SLC28A1: variants seen among roughly 807,000 people sequenced by gnomAD.
SLC28A1 encodes the protein sodium/nucleoside cotransporter 1.
In SLC28A1, 64 loss-of-function variants were observed where a neutral mutation model predicts 74.8. The ratio of observed to expected loss-of-function variants is 0.86; its 90% CI spans 0.70 to 1.05. SLC28A1 has a LOEUF of 1.05. Among genes scored for constraint, SLC28A1 ranks in the 50% least tolerant of loss-of-function variants. The pLI is 0.00. For missense variants in SLC28A1, 828 were observed against 822.8 expected (o/e 1.01, Z -0.08); for synonymous variants, 359 against 335.0 (o/e 1.07, Z -0.78).
At position 84,945,471 on chromosome 15, in the gene SLC28A1, GT is replaced by G. The variant is rs1220737765; in HGVS notation, c.*274del. 13 of 467,304 alleles carry G rather than the reference GT, an allele frequency of 2.8e-5. No homozygotes were observed. The highest frequency in any genetic ancestry group is 4.7e-5 in the Non-Finnish European group (12 of 253,996). 28.9% of individuals were successfully genotyped at this position (467,304 alleles called of 1,614,324 possible). A position where few individuals can be genotyped will look rare whatever the true frequency, so the allele number is the denominator to read the frequency against. On this transcript the variant is annotated 3_prime_UTR_variant, in exon 19 of 19. Transcript: ENST00000394573. ...CTCAGGGTCACTTCTGCCTCCTCCCGTTTCCCCTCCACATCCAAACAGCACC... is the reference window on the plus strand; with the variant it reads ...CTCAGGGTCACTTCTGCCTCCTCCCGTTCCCCTCCACATCCAAACAGCACC...
At chr15:84,955,523 G>C in the SLC28A1 span, among the ~76,000 whole-genome samples, 26 of 152,170 alleles carry the variant, frequency 1.7e-4, no homozygotes, top group African/African-American at 6.3e-4. Flanking sequence ...ACCAGGTGGG[G>C]TGGATGCATT....
At chr15:84,928,564 T>TAGACAGAG (rs1970806743) in intron 12 of SLC28A1, among the ~76,000 whole-genome samples, 1 of 16,164 alleles carries the variant, frequency 6.2e-5, no homozygotes, top group Admixed American at 4.7e-4. Flanking sequence ...CTTTCTTTCT[T>TAGACAGAG]TCTTTCTTTC....
chr15:84,928,845 A>G (rs1047198326), intron 12 of SLC28A1, among the ~76,000 whole-genome samples: 1 of 148,484 alleles, frequency 6.7e-6, no homozygotes, highest in Non-Finnish European at 1.5e-5. Context: ...CTGGCCTTGA[A>G]CTCCTCACCT....
intron 10 of SLC28A1, 136 bp from the exon 11 acceptor site, chr15:84,920,853 T>A (rs1440691294): frequency 1.3e-6 from 1 of 748,626 alleles, no homozygotes; most frequent in African/African-American, 1.7e-5. Flanking sequence ...ATGGACCTTT[T>A]GGGAAAATGT....
intron 16 of SLC28A1, among the ~76,000 whole-genome samples, chr15:84,944,320 A>T (rs1973062699): frequency 6.6e-6 from 1 of 152,192 alleles, no homozygotes; most frequent in African/African-American, 2.4e-5. Flanking sequence ...CCTGACTCCA[A>T]ACTCACATTC....
downstream of SLC28A1, among the ~76,000 whole-genome samples, chr15:84,947,496 T>C (rs2079274880): frequency 6.6e-6 from 1 of 152,246 alleles, no homozygotes; most frequent in African/African-American, 2.4e-5. Flanking sequence ...GGGCTCACAC[T>C]GTACCCTTCT....
chr15:84,887,098 G>C (rs1461681087), intron 2 of SLC28A1, among the ~76,000 whole-genome samples: 1 of 152,190 alleles, frequency 6.6e-6, no homozygotes, highest in Admixed American at 6.5e-5. Context: ...GAGTAGGATT[G>C]GTTTCAGGTA....
the SLC28A1 span, among the ~76,000 whole-genome samples, chr15:84,969,737 A>G: frequency 6.6e-6 from 1 of 152,190 alleles, no homozygotes; most frequent in Non-Finnish European, 1.5e-5. Flanking sequence ...ATAACTATTT[A>G]GCAATAATCT....
At chr15:84,903,711 C>A (rs574289230) in intron 6 of SLC28A1, among the ~76,000 whole-genome samples, 1 of 152,322 alleles carries the variant, frequency 6.6e-6, no homozygotes, top group East Asian at 1.9e-4. Context: ...CTTTCTCCCC[C>A]AAGGTCAGAG....
Position 84,931,623 on chromosome 15 carries a change from G to C in SLC28A1, c.1084-1522G>C, listed in dbSNP as rs1332620599. Among the ~76,000 whole-genome samples, 3 of 110,260 alleles carry C rather than the reference G, an allele frequency of 2.7e-5. No individual in the cohort carries two copies. In the East Asian group the frequency reaches 9.4e-4, roughly 34 times the overall value. 72.3% of individuals were successfully genotyped at this position (110,260 alleles called of 152,430 possible). A position where few individuals can be genotyped will look rare whatever the true frequency, so the allele number is the denominator to read the frequency against. Reference sequence around the variant, plus strand: ...GCCAAGATGGCGCCACTACACTCCAGACTGGGCGACAGAGTGAGACTCCAT... The same window carrying C: ...GCCAAGATGGCGCCACTACACTCCACACTGGGCGACAGAGTGAGACTCCAT... On this transcript the variant is annotated intron_variant, in intron 12 of 18. Transcript: ENST00000394573.
intron 4 of SLC28A1, among the ~76,000 whole-genome samples, chr15:84,889,994 C>T (rs765576004): frequency 6.6e-6 from 1 of 151,840 alleles, no homozygotes. Context: ...CGCCACCATG[C>T]CTGGCTAATT....
chr15:84,913,397 G>A (rs1968622850), intron 9 of SLC28A1, among the ~76,000 whole-genome samples: 1 of 152,164 alleles, frequency 6.6e-6, no homozygotes, highest in Non-Finnish European at 1.5e-5. Context: ...TGTCCTTAGT[G>A]GGGTTTATCT....
chr15:84,884,801 G>A, intron 1 of SLC28A1, 50 bp downstream of exon 1: 2 of 928,784 alleles, frequency 2.2e-6, no homozygotes, highest in Non-Finnish European at 2.6e-6. Context: ...CTGAAGAAAG[G>A]AGGGGAAGGG....
intron 15 of SLC28A1, among the ~76,000 whole-genome samples, chr15:84,942,083 A>G (rs915938707): frequency 6.6e-6 from 1 of 152,144 alleles, no homozygotes; most frequent in East Asian, 1.9e-4. Context: ...ATTAATATTT[A>G]TCTAGAATTA....
the SLC28A1 span, among the ~76,000 whole-genome samples, chr15:84,970,752 C>G: frequency 6.6e-6 from 1 of 152,096 alleles, no homozygotes; most frequent in Admixed American, 6.6e-5. Context: ...AATCCCAACA[C>G]TTTGGGAGGC....
chr15:84,908,307 C>T (rs763014292), intron 8 of SLC28A1, among the ~76,000 whole-genome samples: 16 of 151,514 alleles, frequency 1.1e-4, no homozygotes, highest in Non-Finnish European at 2.1e-4. Context: ...CCTCAGCCTC[C>T]CAAGTAGCTG....
downstream of SLC28A1, among the ~76,000 whole-genome samples, chr15:84,950,150 C>A (rs561959553): frequency 6.6e-6 from 1 of 152,134 alleles, no homozygotes; most frequent in African/African-American, 2.4e-5. Flanking sequence ...GGAAAGGCAG[C>A]GCTTGGATTG....
chr15:84,938,365 G>A (rs893364730), intron 15 of SLC28A1: 1 of 151,944 alleles, frequency 6.6e-6, no homozygotes, highest in Non-Finnish European at 1.5e-5. Context: ...TACATAGTAG[G>A]TGTATAGATT....
At chr15:84,947,662 C>A (rs1239961020), downstream of SLC28A1, among the ~76,000 whole-genome samples, 1 of 152,232 alleles carries the variant, frequency 6.6e-6, no homozygotes, top group Non-Finnish European at 1.5e-5. Flanking sequence ...ATAGGTGGCA[C>A]CTTCTCCCTG....
Sources: allele counts gnomAD v4.1 joint callset (sites outside exome capture counted in the v4.1 genomes callset), GRCh38; gene constraint gnomAD v4.1.1; transcripts MANE v1.5; gene names NCBI Gene and HGNC (gene_info 2026-07-23, HGNC 2026-07-21).